Variants in MASP2 observed in about 807,000 individuals in gnomAD.
MASP2 encodes the protein MBL associated serine protease 2.
MASP2 carries 49 observed loss-of-function variants against 57.1 expected under a neutral mutation model. That is an observed-to-expected ratio of 0.86 (90% CI 0.68 to 1.09). The LOEUF is 1.09. Among genes scored for constraint, MASP2 ranks in the 50% least tolerant of loss-of-function variants. The pLI is 0.00. For missense variants in MASP2, 900 were observed against 874.8 expected (o/e 1.03, Z -0.36); for synonymous variants, 379 against 340.8 (o/e 1.11, Z -1.24).
chr1:11,026,962 C>A lies in MASP2; in HGVS notation c.1984G>T (p.Glu662Ter). 6.4e-7 allele frequency: 1 copy of A among 1,553,826 alleles called. No homozygotes were observed. The highest frequency in any genetic ancestry group is 2.2e-5 in the East Asian group (1 of 44,488). ...IVSWGSMNCG[E>*]AGQYGVYTKV... ...GTGTAGACTCCATACTGACCTGCTT[C>A]CCCACAATTCATGGAACCCCAGGAC... The change falls in exon 11 of 11, where the codon GAA becomes TAA. Residue 662 changes from glutamate to a stop codon, truncating the protein, a stop_gained. Coordinates refer to ENST00000400897, the MANE Select transcript of MASP2 (RefSeq NM_006610.4). LOFTEE classifies it high-confidence loss of function.
At chr1:11,032,632 G>A (rs1228950754) in intron 8 of MASP2, among the ~76,000 whole-genome samples, 1 of 146,182 alleles carries the variant, frequency 6.8e-6, no homozygotes, top group African/African-American at 2.6e-5. Flanking sequence ...AAAGTGGCTG[G>A]TCACGGTGGC....
intron 4 of MASP2, 87 bp from the exon 5 acceptor site, chr1:11,043,622 GA>G (rs1188168087): frequency 1.1e-6 from 1 of 896,542 alleles, no homozygotes; most frequent in African/African-American, 1.7e-5. Flanking sequence ...TGGGGAGCAG[GA>G]AACTGGGACA....
chr1:11,042,674 ATGGCTGGGTGGC>A (rs1010458262), intron 6 of MASP2, among the ~76,000 whole-genome samples, 189 bp downstream of exon 6: 6 of 152,078 alleles, frequency 3.9e-5, no homozygotes, highest in African/African-American at 1.4e-4. Context: ...TGGTGGAAGG[ATGGCTGGGTGGC>A]TGGCTGGAGG....
In MASP2 at chr1:11,045,551, G is replaced by T. The variant is rs1638612428; in HGVS notation, c.413-12C>A. On this transcript the variant is annotated splice_polypyrimidine_tract_variant and intron_variant, in intron 3 of 10. Transcript: ENST00000400897. Reference sequence around the variant, plus strand: ...GCACTCGTCAATGTCTGGGGGAGAGGCAGGGCCAGGCAGGCCGTCAGGAGG... The same window carrying T: ...GCACTCGTCAATGTCTGGGGGAGAGTCAGGGCCAGGCAGGCCGTCAGGAGG... The T allele has an allele frequency of 1.3e-6, 2 of 1,597,316 alleles. No individual in the cohort carries two copies. Among genetic ancestry groups the T allele is most frequent in the Non-Finnish European group, 8.5e-7 (1 of 1,174,352 alleles).
At chr1:11,034,678 A>C in intron 8 of MASP2, 150 bp downstream of exon 8, 1 of 541,184 alleles carries the variant, frequency 1.8e-6, no homozygotes, top group South Asian at 2.8e-5. Flanking sequence ...CAGTCTGGGC[A>C]ACAGAGCAAG....
intron 2 of MASP2, 74 bp downstream of exon 2, chr1:11,046,817 T>TCCCTGAACCCTGGC: frequency 6.5e-7 from 1 of 1,546,790 alleles, no homozygotes; most frequent in South Asian, 1.2e-5. Context: ...TGCTCCCAGG[T>TCCCTGAACCCTGGC]GTCCCTGAAC....
Position 11,026,879 on chromosome 1 carries a change from C to G in MASP2, c.*6G>C, listed in dbSNP as rs777732467. 1 of 1,473,772 alleles carries G rather than the reference C, an allele frequency of 6.8e-7. No individual in the cohort carries two copies. The highest frequency in any genetic ancestry group is 9.0e-7 in the Non-Finnish European group (1 of 1,114,114). The allele number at this position is 1,473,772 out of a possible 1,614,324, so 91.3% of individuals were successfully genotyped here. A position where few individuals can be genotyped will look rare whatever the true frequency, so the allele number is the denominator to read the frequency against. ...AATGAAGAATCCTTGACTGCAGACA[C>G]GCAAGTTAAAAATCACTAATTATGT... On this transcript the variant is annotated 3_prime_UTR_variant, in exon 11 of 11. Coordinates refer to ENST00000400897, the MANE Select transcript of MASP2 (RefSeq NM_006610.4).
intron 9 of MASP2, 22 bp from the exon 10 acceptor site, chr1:11,030,272 A>C: frequency 6.4e-7 from 1 of 1,569,998 alleles, no homozygotes; most frequent in Non-Finnish European, 8.8e-7. Context: ...TGGAAAAGCA[A>C]AAATGTTTAA....
chr1:11,029,506 A>G (rs1210239826), intron 10 of MASP2, among the ~76,000 whole-genome samples: 2 of 152,030 alleles, frequency 1.3e-5, no homozygotes, highest in African/African-American at 4.8e-5. Flanking sequence ...TAAAAACTAG[A>G]TGTTGAAAAC....
intron 10 of MASP2, among the ~76,000 whole-genome samples, chr1:11,028,548 T>TA (rs1643778453): frequency 6.6e-6 from 1 of 152,172 alleles, no homozygotes; most frequent in African/African-American, 2.4e-5. Flanking sequence ...GCAAATTAAA[T>TA]ACGCCCATTA....
rs760023897 is a variant in MASP2, at chr1:11,046,626, G to A, written c.342C>T (p.Asp114=). ...DTFYSLGSSL[D]ITFRSDYSNE... ...TGGAGTAGTCGGAGCGGAAGGTAAT[G>A]TCCAGGCTGGAGCCCAGCGAGTAGA... is the stretch of plus-strand genomic sequence containing the variant. The change falls in exon 3 of 11, where the codon GAC becomes GAT. Residue 114 remains aspartate, a synonymous_variant. Coordinates refer to ENST00000400897, the MANE Select transcript of MASP2 (RefSeq NM_006610.4). The A allele has an allele frequency of 9.9e-6, 16 of 1,613,728 alleles. No homozygotes were observed. The East Asian group carries it at 3.3e-4, about 34-fold the overall frequency.
chr1:11,036,545 A>AAAG (rs1557670975), intron 7 of MASP2, among the ~76,000 whole-genome samples: 11 of 148,588 alleles, frequency 7.4e-5, no homozygotes, highest in African/African-American at 2.7e-4. Flanking sequence ...AAACAAAAAA[A>AAAG]AAAGAAACTA....
Position 11,046,632 on chromosome 1 carries a change from G to C in MASP2, c.336C>G (p.Ser112Arg), listed in dbSNP as rs1638647808. ...GKDTFYSLGS[S>R]LDITFRSDYS... ...AGTCGGAGCGGAAGGTAATGTCCAG[G>C]CTGGAGCCCAGCGAGTAGAAAGTGT... is the stretch of plus-strand genomic sequence containing the variant. Residue 112 changes from serine (S) to arginine (R), a missense_variant, in exon 3 of 11, where the codon AGC becomes AGG. Ser to Arg is a moderately radical substitution (Grantham distance 110). Transcript: ENST00000400897. The C allele has an allele frequency of 1.2e-6, 2 of 1,613,676 alleles. No individual in the cohort carries two copies. The highest frequency in any genetic ancestry group is 4.5e-5 in the East Asian group (2 of 44,878).
intron 10 of MASP2, among the ~76,000 whole-genome samples, chr1:11,028,691 T>A (rs1643781218): frequency 1.5e-5 from 2 of 137,894 alleles, no homozygotes; most frequent in African/African-American, 5.5e-5. Flanking sequence ...ATTACTATCT[T>A]TCTGGGTTTT....
chr1:11,027,257 C>T lies in MASP2; in HGVS notation c.1689G>A (p.Arg563=), dbSNP rs766503914. 1.4e-5 allele frequency: 23 copies of T among 1,614,038 alleles called. No individual in the cohort carries two copies. Among genetic ancestry groups the T allele is most frequent in the Non-Finnish European group, 1.7e-5 (20 of 1,180,038 alleles). ...LPRKEAESFM[R]TDDIGTASGW... is the part of the protein sequence containing the mutation. ...CAGATGCAGTTCCAATGTCATCTGT[C>T]CTCATAAAGGATTCAGCTTCTTTTC... The change falls in exon 11 of 11, where the codon AGG becomes AGA. Residue 563 remains arginine (R), a synonymous_variant. Transcript: ENST00000400897.
chr1:11,029,728 A>T (rs1020843428), intron 10 of MASP2: 1 of 130,482 alleles, frequency 7.7e-6, no homozygotes, highest in African/African-American at 3.0e-5. Context: ...CGCAACCTCC[A>T]CCACCTGGGT....
At chr1:11,041,655 A>AT (rs1638444421) in intron 6 of MASP2, among the ~76,000 whole-genome samples, 2 of 147,286 alleles carry the variant, frequency 1.4e-5, no homozygotes, top group African/African-American at 2.6e-5. Context: ...GGGTAGGTAG[A>AT]AGGATGAGTG....
chr1:11,030,906 G>A, intron 8 of MASP2, 24 bp from the exon 9 acceptor site: 1 of 1,605,912 alleles, frequency 6.2e-7, no homozygotes, highest in Non-Finnish European at 8.5e-7. Flanking sequence ...ATGGGAGGGA[G>A]GAATCCATTG....
At position 11,045,407 on chromosome 1, in the gene MASP2, C is replaced by T. The variant is rs776922050; in HGVS notation, c.544+1G>A. The T allele has an allele frequency of 6.2e-7, 1 of 1,613,116 alleles. No individual in the cohort carries two copies. ...GTTGGGGCCCAGGCAGCCTCCCTCA[C>T]CTGAGCAGGTGCGCTTGTTACGGTG... On this transcript the variant is annotated splice_donor_variant, in intron 4 of 10. Coordinates refer to ENST00000400897, the MANE Select transcript of MASP2 (RefSeq NM_006610.4). LOFTEE classifies it high-confidence loss of function.
Sources: gnomAD v4.1 joint callset for allele counts (sites outside exome capture counted in the v4.1 genomes callset) on GRCh38, gnomAD v4.1.1 for gene constraint, MANE v1.5 for transcripts, NCBI Gene and HGNC (gene_info 2026-07-23, HGNC 2026-07-21) for gene names.